The following PDLIM5 variants were observed in gnomAD, a reference collection of about 807,000 sequenced individuals.
PDLIM5 encodes the protein PDZ and LIM domain 5.
Under a neutral mutation model 64.2 loss-of-function variants are expected in PDLIM5, and 34 were observed. The observed-to-expected ratio is 0.53, with a 90% CI of 0.40 to 0.71. The LOEUF (loss-of-function observed/expected upper bound fraction) is 0.71, where lower values mean the gene tolerates loss of function less well. Ranked by LOEUF, PDLIM5 falls within the 30% of genes least tolerant of loss-of-function variation. PDLIM5 has a pLI of 0.00. For synonymous variants in PDLIM5, 253 were observed against 269.1 expected (o/e 0.94, Z 0.59); for missense variants, 683 against 733.6 (o/e 0.93, Z 0.80).
intron 7 of PDLIM5, among the ~76,000 whole-genome samples, chr4:94,616,764 C>G (rs1287574917): frequency 2.6e-5 from 4 of 152,168 alleles, no homozygotes; most frequent in Admixed American, 6.5e-5. Context: ...ATGACACTTG[C>G]ATTTGAGAGA....
chr4:94,637,245 G>A (rs1430432290), intron 8 of PDLIM5, among the ~76,000 whole-genome samples: 1 of 152,038 alleles, frequency 6.6e-6, no homozygotes, highest in Non-Finnish European at 1.5e-5. Flanking sequence ...AAAATCAAAG[G>A]GCTGTTGTAA....
At chr4:94,626,480 G>C (rs1739706444) in intron 8 of PDLIM5, among the ~76,000 whole-genome samples, 1 of 152,188 alleles carries the variant, frequency 6.6e-6, no homozygotes, top group Admixed American at 6.5e-5. Flanking sequence ...TAAGTCAAAA[G>C]ACAGTATCAG....
chr4:94,459,846 T>G (rs115846911), intron 2 of PDLIM5, among the ~76,000 whole-genome samples: 409 of 152,296 alleles, frequency 2.7e-3, no homozygotes, highest in African/African-American at 8.8e-3. Flanking sequence ...TGTTGTCCAG[T>G]GCCTAGTGAA....
chr4:94,518,650 A>G lies in PDLIM5; in HGVS notation c.97-5074A>G, dbSNP rs547599223. ...GAAATTATAGTTACTAATTATGTTC[A>G]TGTATATTATTTTAAATGCAAATCA... On this transcript the variant is annotated intron_variant, in intron 2 of 12. Coordinates refer to ENST00000317968, the MANE Select transcript of PDLIM5 (RefSeq NM_006457.5). 3.9e-5 allele frequency among the ~76,000 whole-genome samples: 6 copies of G among 152,328 alleles called. No homozygotes were observed. In the East Asian group the frequency reaches 1.2e-3, roughly 29 times the overall value.
intron 2 of PDLIM5, among the ~76,000 whole-genome samples, chr4:94,464,615 A>G (rs759429741): frequency 6.6e-6 from 1 of 152,238 alleles, no homozygotes; most frequent in Non-Finnish European, 1.5e-5. Flanking sequence ...AATGTTCTGG[A>G]GAAAGAAATT....
intron 8 of PDLIM5, among the ~76,000 whole-genome samples, chr4:94,634,191 C>G (rs1464095378): frequency 6.6e-6 from 1 of 152,100 alleles, no homozygotes; most frequent in African/African-American, 2.4e-5. Context: ...ATACTGACTT[C>G]ATTTTTACTG....
At chr4:94,549,776 C>T (rs1732644968) in intron 3 of PDLIM5, 1 of 152,086 alleles carries the variant, frequency 6.6e-6, no homozygotes, top group Non-Finnish European at 1.5e-5. Context: ...CCTGGCTCTA[C>T]TGGCTTATTA....
intron 2 of PDLIM5, among the ~76,000 whole-genome samples, chr4:94,467,727 A>AGGT (rs1440145149): frequency 1.3e-5 from 2 of 152,178 alleles, no homozygotes; most frequent in Admixed American, 1.3e-4. Context: ...TTACTTCCCA[A>AGGT]GGTGGTCTTC....
intron 2 of PDLIM5, among the ~76,000 whole-genome samples, chr4:94,491,945 G>C (rs938207821): frequency 6.6e-6 from 1 of 151,474 alleles, no homozygotes; most frequent in African/African-American, 2.4e-5. Context: ...TCAAATATAC[G>C]TTATTATTGA....
chr4:94,664,421 T>C lies in PDLIM5; in HGVS notation c.*354T>C, dbSNP rs1742963840. The C allele has an allele frequency of 1.3e-6, 1 of 779,964 alleles. No individual in the cohort carries two copies. The highest frequency in any genetic ancestry group is 5.8e-5 in the South Asian group (1 of 17,132). The allele number at this position is 779,964 out of a possible 1,614,324, so 48.3% of individuals were successfully genotyped here. A position where few individuals can be genotyped will look rare whatever the true frequency, so the allele number is the denominator to read the frequency against. On this transcript the variant is annotated 3_prime_UTR_variant, in exon 13 of 13. Coordinates refer to ENST00000317968, the MANE Select transcript of PDLIM5 (RefSeq NM_006457.5). ...AATTATACCTTCTTTCCTTGTTAGG[T>C]AGTTATGAGTAAATCTGCAAAAGGC...
At chr4:94,501,360 A>G (rs1727902684) in intron 2 of PDLIM5, among the ~76,000 whole-genome samples, 1 of 152,206 alleles carries the variant, frequency 6.6e-6, no homozygotes, top group African/African-American at 2.4e-5. Flanking sequence ...CTGGTATCAC[A>G]GGCGTGAGCT....
At chr4:94,655,152 A>G (rs907469363) in intron 10 of PDLIM5, among the ~76,000 whole-genome samples, 1 of 152,224 alleles carries the variant, frequency 6.6e-6, no homozygotes. Flanking sequence ...GTTTAAAAAT[A>G]TAACCTCAGT....
At chr4:94,585,531 C>T in intron 5 of PDLIM5, 34 bp from the exon 6 acceptor site, 4 of 1,377,282 alleles carry the variant, frequency 2.9e-6, no homozygotes, top group Non-Finnish European at 2.0e-6. Flanking sequence ...TATAACTTTA[C>T]AATTTTTAAT....
At chr4:94,556,506 G>A (rs1444267238) in intron 3 of PDLIM5, among the ~76,000 whole-genome samples, 1 of 152,156 alleles carries the variant, frequency 6.6e-6, no homozygotes, top group Admixed American at 6.6e-5. Flanking sequence ...GGTTGAACTA[G>A]TTTACAGTCC....
At chr4:94,661,108 T>C (rs1382690471) in intron 11 of PDLIM5, among the ~76,000 whole-genome samples, 1 of 151,504 alleles carries the variant, frequency 6.6e-6, no homozygotes, top group Non-Finnish European at 1.5e-5. Context: ...GAAAAGAAAA[T>C]TAGGGCCAGG....
intron 2 of PDLIM5, among the ~76,000 whole-genome samples, chr4:94,469,118 T>G (rs1430969850): frequency 6.6e-6 from 1 of 152,244 alleles, no homozygotes; most frequent in Non-Finnish European, 1.5e-5. Context: ...AATCATTTAT[T>G]CTGTATCTTT....
In PDLIM5 at chr4:94,649,080, A is replaced by G. The variant is rs1316977910; in HGVS notation, c.1284-5380A>G. Among the ~76,000 whole-genome samples the G allele has an allele frequency of 2.6e-5, 4 of 151,958 alleles. No homozygotes were observed. In the East Asian group the frequency reaches 7.8e-4, roughly 30 times the overall value. ...AACCTCCGCCTCCTGGGTTCAAGCG[A>G]TTCCCCTGCCTCAGCCTCCCGAATA... is the stretch of plus-strand genomic sequence containing the variant. On this transcript the variant is annotated intron_variant, in intron 9 of 12. Coordinates refer to ENST00000317968, the MANE Select transcript of PDLIM5 (RefSeq NM_006457.5).
intron 8 of PDLIM5, among the ~76,000 whole-genome samples, chr4:94,633,352 A>AT (rs1740306862): frequency 6.6e-6 from 1 of 152,208 alleles, no homozygotes; most frequent in African/African-American, 2.4e-5. Flanking sequence ...TTCTAGAATC[A>AT]TTGTAAACTC....
intron 5 of PDLIM5, chr4:94,582,452 G>A (rs571366676): frequency 5.6e-6 from 2 of 360,286 alleles, no homozygotes; most frequent in South Asian, 8.0e-5. Flanking sequence ...TGTGGGATGG[G>A]GGAACAAAAC....
Sources: gnomAD v4.1 joint callset for allele counts (sites outside exome capture counted in the v4.1 genomes callset) on GRCh38, gnomAD v4.1.1 for gene constraint, MANE v1.5 for transcripts, NCBI Gene and HGNC (gene_info 2026-07-23, HGNC 2026-07-21) for gene names.